The following ZNF705B variants were observed in gnomAD, a reference collection of about 807,000 sequenced individuals.
The protein encoded by ZNF705B is zinc finger protein 705B.
A neutral mutation model predicts 10.5 loss-of-function variants in ZNF705B; 1 was observed. The ratio of observed to expected loss-of-function variants is 0.10; its 90% confidence interval spans 0.03 to 0.45. ZNF705B has a LOEUF of 0.45. ZNF705B is among the 20% of genes least tolerant of loss of function. ZNF705B has a pLI of 0.97. For synonymous variants in ZNF705B, 4 were observed against 25.4 expected (o/e 0.16, Z 2.53); for missense variants, 14 against 84.0 (o/e 0.17, Z 3.26).
chr8:7,940,745 C>A (rs1055104587), intron 2 of ZNF705B, among the ~76,000 whole-genome samples: 2 of 145,046 alleles, frequency 1.4e-5, no homozygotes, highest in Non-Finnish European at 3.1e-5. Flanking sequence ...CCAAGTCCAT[C>A]CATGTTGTCA....
chr8:7,935,375 G>A (rs1333779248), intron 2 of ZNF705B, among the ~76,000 whole-genome samples: 1 of 147,518 alleles, frequency 6.8e-6, no homozygotes, highest in Non-Finnish European at 1.5e-5. Context: ...AGATATCACT[G>A]CTCTGGGGAT....
At chr8:7,931,609 G>A (rs1186584706) in intron 2 of ZNF705B, among the ~76,000 whole-genome samples, 11 of 122,282 alleles carry the variant, frequency 9.0e-5, no homozygotes, top group African/African-American at 2.0e-4. Context: ...AGCAATGGGT[G>A]GGATGGGCCT....
rs1363235395 is a variant in ZNF705B at position 7,936,522 on chromosome 8, C to G, written c.-72+6086C>G. 1.7e-5 allele frequency among the ~76,000 whole-genome samples: 2 copies of G among 119,368 alleles called. 1 individual carries two copies. Among genetic ancestry groups the G allele is most frequent in the African/African-American group, 5.1e-5 (2 of 39,090 alleles). The allele number at this position is 119,368 out of a possible 152,430, so 78.3% of individuals were successfully genotyped here. ...TAAAGAAAATGTAGTACATATATGT[C>G]ACGGAATACTATGCATCCATAAAAA... On this transcript the variant is annotated intron_variant, in intron 2 of 6. Coordinates refer to ENST00000400120, the MANE Select transcript of ZNF705B (RefSeq NM_001193630.1).
chr8:7,932,514 C>A (rs1819878247), intron 2 of ZNF705B, among the ~76,000 whole-genome samples: 1 of 121,394 alleles, frequency 8.2e-6, no homozygotes, highest in Admixed American at 9.3e-5. Context: ...CAAACTGCTT[C>A]TTTTCTAGGG....
At chr8:7,937,514 G>A (rs1820048749) in intron 2 of ZNF705B, among the ~76,000 whole-genome samples, 1 of 113,794 alleles carries the variant, frequency 8.8e-6, no homozygotes, top group Non-Finnish European at 2.1e-5. Context: ...TCCAAATTTG[G>A]AATTTTTAAA....
At chr8:7,935,028 AC>A (rs1313336700) in intron 2 of ZNF705B, among the ~76,000 whole-genome samples, 1 of 87,384 alleles carries the variant, frequency 1.1e-5, no homozygotes, top group African/African-American at 2.9e-5. Flanking sequence ...ACACACACAC[AC>A]ACTCTCTCTA....
chr8:7,926,777 C>T (rs1330668916), intron 1 of ZNF705B, among the ~76,000 whole-genome samples: 2 of 112,936 alleles, frequency 1.8e-5, no homozygotes, highest in Admixed American at 2.0e-4. Context: ...TTATGCACGA[C>T]CCTGTTCATT....
intron 1 of ZNF705B, among the ~76,000 whole-genome samples, chr8:7,928,343 C>T (rs1381400290): frequency 8.3e-6 from 1 of 120,986 alleles, no homozygotes; most frequent in Non-Finnish European, 2.0e-5. Flanking sequence ...ACTTCCTTAC[C>T]TCCTTCCTCC....
intron 1 of ZNF705B, among the ~76,000 whole-genome samples, chr8:7,928,885 G>A (rs2698880): frequency 0.45 from 44,131 of 97,832 alleles, 7,906 homozygotes; most frequent in South Asian, 0.63. Context: ...TTTATAAGTG[G>A]GAGCTAGGGT....
At position 7,932,105 on chromosome 8, in the gene ZNF705B, A is replaced by C. The variant is rs539883358; in HGVS notation, c.-72+1669A>C. 4.1e-5 allele frequency among the ~76,000 whole-genome samples: 5 copies of C among 120,670 alleles called. 1 individual carries two copies. The East Asian group carries it at 1.2e-3, about 28-fold the overall frequency. The allele number at this position is 120,670 out of a possible 152,430, so 79.2% of individuals were successfully genotyped here. On this transcript the variant is annotated intron_variant, in intron 2 of 6. Transcript: ENST00000400120. Reference sequence around the variant, plus strand: ...CCTTCTCTGGGACAATGACCATCACATAGACTCCAGGCAGCTCCCTATAGT... The same window carrying C: ...CCTTCTCTGGGACAATGACCATCACCTAGACTCCAGGCAGCTCCCTATAGT...
rs530780741 is a variant in ZNF705B, at chr8:7,928,323, G to A, written c.-222+1926G>A. Among the ~76,000 whole-genome samples the A allele has an allele frequency of 2.7e-4, 33 of 120,724 alleles. 6 individuals carry two copies. In the South Asian group the frequency reaches 5.9e-3, roughly 22 times the overall value. The allele number at this position is 120,724 out of a possible 152,430, so 79.2% of individuals were successfully genotyped here. On this transcript the variant is annotated intron_variant, in intron 1 of 6. Coordinates refer to ENST00000400120, the MANE Select transcript of ZNF705B (RefSeq NM_001193630.1). ...GGGAGACAGAAATATTCAAACATTCGGGCCACAGCACTTCCTTACCTCCTT... is the reference window on the plus strand; with the variant it reads ...GGGAGACAGAAATATTCAAACATTCAGGCCACAGCACTTCCTTACCTCCTT...
At chr8:7,936,363 T>C (rs565303410) in intron 2 of ZNF705B, among the ~76,000 whole-genome samples, 1 of 119,280 alleles carries the variant, frequency 8.4e-6, no homozygotes, top group African/African-American at 2.6e-5. Context: ...CCCAGTAATC[T>C]CACTACTGGG....
chr8:7,936,525 G>A lies in ZNF705B; in HGVS notation c.-72+6089G>A, dbSNP rs1436998462. Among the ~76,000 whole-genome samples the A allele has an allele frequency of 5.0e-5, 6 of 119,478 alleles. 1 individual carries two copies. Among genetic ancestry groups the A allele is most frequent in the African/African-American group, 1.0e-4 (4 of 39,114 alleles). The allele number at this position is 119,478 out of a possible 152,430, so 78.4% of individuals were successfully genotyped here. A position where few individuals can be genotyped will look rare whatever the true frequency, so the allele number is the denominator to read the frequency against. ...AGAAAATGTAGTACATATATGTCAC[G>A]GAATACTATGCATCCATAAAAAGAA... On this transcript the variant is annotated intron_variant, in intron 2 of 6. Coordinates refer to ENST00000400120, the MANE Select transcript of ZNF705B (RefSeq NM_001193630.1).
chr8:7,929,674 A>T (rs1819787568), intron 1 of ZNF705B, among the ~76,000 whole-genome samples: 1 of 118,522 alleles, frequency 8.4e-6, no homozygotes, highest in Non-Finnish European at 2.0e-5. Flanking sequence ...TTTTCTCTCT[A>T]GCTGAATTGT....
At chr8:7,932,450 A>C (rs1563492968) in intron 2 of ZNF705B, among the ~76,000 whole-genome samples, 1 of 121,212 alleles carries the variant, frequency 8.3e-6, no homozygotes, top group Non-Finnish European at 2.0e-5. Context: ...CTTGAAGGCC[A>C]CCTCCTAGCA....
chr8:7,937,663 C>T (rs186213551), intron 2 of ZNF705B, among the ~76,000 whole-genome samples: 1,883 of 114,892 alleles, frequency 0.016, 126 homozygotes, highest in Middle Eastern at 0.086. Context: ...GACAGGAATT[C>T]AGTAATGCCA....
At chr8:7,940,807 A>G (rs894417822) in intron 2 of ZNF705B, among the ~76,000 whole-genome samples, 2 of 131,430 alleles carry the variant, frequency 1.5e-5, no homozygotes. Context: ...TCCATTGCAT[A>G]TATGTATTAG....
At chr8:7,928,324 G>A (rs1255329595) in intron 1 of ZNF705B, among the ~76,000 whole-genome samples, 2 of 120,490 alleles carry the variant, frequency 1.7e-5, no homozygotes, top group Admixed American at 9.5e-5. Context: ...CAAACATTCG[G>A]GCCACAGCAC....
chr8:7,940,748 T>A (rs1204486169), intron 2 of ZNF705B, among the ~76,000 whole-genome samples: 13 of 144,856 alleles, frequency 9.0e-5, no homozygotes, highest in Non-Finnish European at 1.4e-4. Context: ...AGTCCATCCA[T>A]GTTGTCACAA....
Sources: gnomAD v4.1 joint callset for allele counts (sites outside exome capture counted in the v4.1 genomes callset) on GRCh38, gnomAD v4.1.1 for gene constraint, MANE v1.5 for transcripts, NCBI Gene and HGNC (gene_info 2026-07-23, HGNC 2026-07-21) for gene names.